Variants in SLC2A5 observed in about 807,000 individuals in gnomAD.
SLC2A5 encodes solute carrier family 2, facilitated glucose transporter member 5.
Under a neutral mutation model 50.3 loss-of-function variants are expected in SLC2A5, and 56 were observed. That is an observed-to-expected ratio of 1.11 (90% CI 0.90 to 1.39). The LOEUF (loss-of-function observed/expected upper bound fraction) is 1.39. SLC2A5 is among the 40% of genes most tolerant of loss of function. The pLI is 0.00. For missense variants in SLC2A5, 566 were observed against 650.1 expected (o/e 0.87, Z 1.41); for synonymous variants, 269 against 281.9 (o/e 0.95, Z 0.46).
At chr1:9,071,894 A>ATCCCCCTCGGCCTCTGCCTCAGCCCGGG (rs1436494861), upstream of SLC2A5, among the ~76,000 whole-genome samples, 47 of 149,970 alleles carry the variant, frequency 3.1e-4, no homozygotes, top group East Asian at 2.0e-3. Context: ...CTCAGCCCGG[A>ATCCCCCTCGGCCTCTGCCTCAGCCCGGG]TCCCCCTCGG....
At position 9,040,582 on chromosome 1, in the gene SLC2A5, G is replaced by A. The variant is rs1182646790; in HGVS notation, c.572-393C>T. The A allele has an allele frequency of 1.5e-5, 3 of 198,570 alleles. No individual in the cohort carries two copies. The highest frequency in any genetic ancestry group is 1.1e-4 in the South Asian group (1 of 8,894). 12.3% of individuals were successfully genotyped at this position (198,570 alleles called of 1,614,324 possible). ...AGGATGCCTGAACTGGAATGGTCAC[G>A]GCAGCTCTGATTACAGAAAGGACAC... is the stretch of plus-strand genomic sequence containing the variant. On this transcript the variant is annotated intron_variant, in intron 5 of 11. Coordinates refer to ENST00000377424, the MANE Select transcript of SLC2A5 (RefSeq NM_003039.3). The surrounding 1 kb of genome is among the most constrained non-coding windows in gnomAD (Gnocchi z 4.3).
chr1:9,060,040 T>TACACACACACCAC (rs1243663443), intron 1 of SLC2A5, among the ~76,000 whole-genome samples: 1 of 104,048 alleles, frequency 9.6e-6, no homozygotes, highest in Non-Finnish European at 2.0e-5. Flanking sequence ...ACACATACAG[T>TACACACACACCAC]ACACACACAC....
At chr1:9,053,926 T>A (rs2124389277) in intron 3 of SLC2A5, among the ~76,000 whole-genome samples, 1 of 151,594 alleles carries the variant, frequency 6.6e-6, no homozygotes, top group South Asian at 2.1e-4. Context: ...AACAAAAAAC[T>A]ATAAAAGTTA....
rs1243166121 is a variant in SLC2A5, at chr1:9,078,068, A to G, written c.-59+6946T>C. Among the ~76,000 whole-genome samples the G allele has an allele frequency of 2.6e-5, 4 of 152,160 alleles. No individual in the cohort carries two copies. The East Asian group carries it at 5.8e-4, about 22-fold the overall frequency. On this transcript the variant is annotated intron_variant, in intron 2 of 5. Transcript: ENST00000464985. ...AGGATTATCCACTAGTTTTCTGGGA[A>G]AGGGGTGGACAGTTCCCCGGAGCTG...
At chr1:9,047,769 A>G (rs1026816628) in intron 3 of SLC2A5, 35 bp from the exon 4 acceptor site, 1 of 1,606,282 alleles carries the variant, frequency 6.2e-7, no homozygotes, top group Non-Finnish European at 8.5e-7. Flanking sequence ...GTTTTGCTGA[A>G]GAATTCACTC....
At chr1:9,078,459 C>T (rs996223461) in intron 2 of SLC2A5, among the ~76,000 whole-genome samples, 4 of 152,034 alleles carry the variant, frequency 2.6e-5, no homozygotes, top group South Asian at 2.1e-4. Flanking sequence ...TGACAGGAGG[C>T]GGGAAAGGGA....
In SLC2A5 at chr1:9,036,048, G is replaced by T. The variant is rs1641128395; in HGVS notation, c.*1538C>A. The T allele has an allele frequency of 6.6e-6, 1 of 152,048 alleles. No individual in the cohort carries two copies. Among genetic ancestry groups the T allele is most frequent in the Non-Finnish European group, 1.5e-5 (1 of 68,024 alleles). 9.4% of individuals were successfully genotyped at this position (152,048 alleles called of 1,614,324 possible). On this transcript the variant is annotated 3_prime_UTR_variant, in exon 12 of 12. Transcript: ENST00000377424. ...ACAATTCAAGATGAGATTTGGGTGG[G>T]GACACAGCCAAACCATATCAAGACC... is the stretch of plus-strand genomic sequence containing the variant.
At chr1:9,069,732 C>T (rs77869990), upstream of SLC2A5, 2,444 of 624,904 alleles carry the variant, frequency 3.9e-3, 39 homozygotes, top group African/African-American at 0.039. Context: ...TTAAATGAAA[C>T]GTCTGGGGTT....
intron 10 of SLC2A5, 94 bp downstream of exon 10, chr1:9,038,337 A>G (rs536181180): frequency 1.1e-6 from 1 of 922,014 alleles, no homozygotes; most frequent in Non-Finnish European, 1.8e-6. Flanking sequence ...TCCAGGCTGC[A>G]TTGGCCATCC....
At chr1:9,053,097 T>TA (rs1557669830) in intron 3 of SLC2A5, among the ~76,000 whole-genome samples, 10 of 112,876 alleles carry the variant, frequency 8.9e-5, no homozygotes, top group African/African-American at 3.5e-4. Flanking sequence ...ATAATATATA[T>TA]TTATATATAA....
At chr1:9,083,233 G>A (rs553961537) in intron 2 of SLC2A5, among the ~76,000 whole-genome samples, 6 of 152,302 alleles carry the variant, frequency 3.9e-5, no homozygotes, top group South Asian at 4.1e-4. Flanking sequence ...CTGCTGATTC[G>A]GGAAGAGTAT....
At chr1:9,063,988 C>T (rs544785284) in intron 1 of SLC2A5, among the ~76,000 whole-genome samples, 1 of 130,456 alleles carries the variant, frequency 7.7e-6, no homozygotes, top group African/African-American at 3.4e-5. Context: ...AGCCACCGCG[C>T]CCGGCCTATT....
intron 2 of SLC2A5, among the ~76,000 whole-genome samples, chr1:9,078,387 G>T (rs1642316027): frequency 1.3e-5 from 2 of 152,102 alleles, no homozygotes. Flanking sequence ...CAGCCCAGTA[G>T]GTCTCAGCCT....
At chr1:9,081,448 T>C (rs578104223) in intron 2 of SLC2A5, among the ~76,000 whole-genome samples, 2 of 127,122 alleles carry the variant, frequency 1.6e-5, no homozygotes, top group Non-Finnish European at 3.2e-5. Context: ...GCCTGGGCAA[T>C]GGAGGTAGAC....
chr1:9,080,804 G>A (rs1318875573), intron 2 of SLC2A5, among the ~76,000 whole-genome samples: 1 of 152,220 alleles, frequency 6.6e-6, no homozygotes, highest in Non-Finnish European at 1.5e-5. Context: ...ATTATTTTGA[G>A]TCTTAAAGGA....
intron 2 of SLC2A5, among the ~76,000 whole-genome samples, chr1:9,078,726 C>A (rs1396100315): frequency 6.6e-6 from 1 of 152,200 alleles, no homozygotes; most frequent in African/African-American, 2.4e-5. Context: ...GGTGAGGCAG[C>A]TATCAGGAAC....
chr1:9,047,006 C>A (rs895246841), intron 4 of SLC2A5, among the ~76,000 whole-genome samples: 3 of 152,070 alleles, frequency 2.0e-5, no homozygotes, highest in African/African-American at 7.3e-5. Flanking sequence ...TCGCCTGCTG[C>A]CATGTAAGAC....
At chr1:9,076,934 C>A (rs375738266) in intron 2 of SLC2A5, among the ~76,000 whole-genome samples, 1 of 151,658 alleles carries the variant, frequency 6.6e-6, no homozygotes, top group South Asian at 2.1e-4. Context: ...GGATTACAGG[C>A]GCCTGCCACC....
chr1:9,092,545 C>T (rs1351897017), upstream of SLC2A5, among the ~76,000 whole-genome samples: 3 of 152,200 alleles, frequency 2.0e-5, no homozygotes, highest in Non-Finnish European at 4.4e-5. Flanking sequence ...CAGAGGACAC[C>T]TTCCAAAACA....
Sources: gnomAD v4.1 joint callset for allele counts (sites outside exome capture counted in the v4.1 genomes callset) on GRCh38, gnomAD v4.1.1 for gene constraint, Gnocchi (gnomAD v3.1) non-coding constraint, MANE v1.5 for transcripts, NCBI Gene and HGNC (gene_info 2026-07-23, HGNC 2026-07-21) for gene names.